The following TMCO5A variants were observed in gnomAD, a reference collection of about 807,000 sequenced individuals.
The protein encoded by TMCO5A is transmembrane and coiled-coil domain-containing protein 5A.
In TMCO5A, 34 loss-of-function variants were observed where a neutral mutation model predicts 42.3. The ratio of observed to expected loss-of-function variants is 0.80; its 90% confidence interval spans 0.61 to 1.07. The LOEUF is 1.07. Ranked by LOEUF, TMCO5A falls within the 50% of genes least tolerant of loss-of-function variation. The pLI is 0.00. For missense variants in TMCO5A, 357 were observed against 327.9 expected (o/e 1.09, Z -0.69); for synonymous variants, 131 against 115.6 (o/e 1.13, Z -0.86).
the TMCO5A span, among the ~76,000 whole-genome samples, chr15:38,032,036 A>G: frequency 6.6e-6 from 1 of 151,440 alleles, no homozygotes; most frequent in Non-Finnish European, 1.5e-5. Context: ...GCTCACCGCA[A>G]CCTCTGATTC....
At chr15:37,985,100 A>C in the TMCO5A span, among the ~76,000 whole-genome samples, 1 of 151,780 alleles carries the variant, frequency 6.6e-6, no homozygotes, top group African/African-American at 2.4e-5. Flanking sequence ...GGGATGGAGC[A>C]AGGCAATCTT....
exon 12 of TMCO5A, chr15:37,967,718 T>C (rs1258358814): frequency 1.3e-5 from 2 of 152,180 alleles, no homozygotes; most frequent in African/African-American, 4.8e-5. Context: ...ATACCATGTA[T>C]TAAATTAAAA....
At chr15:37,994,792 T>C in the TMCO5A span, 1 of 152,296 alleles carries the variant, frequency 6.6e-6, no homozygotes, top group South Asian at 2.1e-4. Context: ...GCCAGCCCAG[T>C]TCTGGGAAGG....
chr15:37,978,904 G>C, the TMCO5A span, among the ~76,000 whole-genome samples: 1 of 152,114 alleles, frequency 6.6e-6, no homozygotes, highest in Non-Finnish European at 1.5e-5. Context: ...GCAGGAGCAG[G>C]CATCTTAATG....
chr15:38,036,372 A>G, the TMCO5A span, among the ~76,000 whole-genome samples: 1 of 151,932 alleles, frequency 6.6e-6, no homozygotes, highest in Non-Finnish European at 1.5e-5. Context: ...ACTACTCCCT[A>G]TTGGTACAAA....
chr15:37,959,813 G>T (rs994844273), intron 11 of TMCO5A, among the ~76,000 whole-genome samples: 21 of 151,806 alleles, frequency 1.4e-4, no homozygotes, highest in African/African-American at 5.1e-4. Context: ...GTATAGTACT[G>T]GACATCCTAG....
downstream of TMCO5A, among the ~76,000 whole-genome samples, chr15:37,954,270 A>C (rs1890230900): frequency 6.6e-6 from 1 of 152,156 alleles, no homozygotes; most frequent in African/African-American, 2.4e-5. Context: ...AAATTCCCAA[A>C]GGTCAAGGAT....
downstream of TMCO5A, among the ~76,000 whole-genome samples, chr15:37,968,512 G>A (rs558468859): frequency 2.0e-5 from 3 of 152,068 alleles, no homozygotes; most frequent in Non-Finnish European, 2.9e-5. Context: ...TCGTTTCTAC[G>A]GTCAAACCTG....
chr15:38,025,515 G>A, the TMCO5A span, among the ~76,000 whole-genome samples: 1 of 151,964 alleles, frequency 6.6e-6, no homozygotes, highest in Non-Finnish European at 1.5e-5. Context: ...TTAGCAGGAG[G>A]AATAGGGAAA....
chr15:37,950,616 TGA>T (rs1890124658), intron 11 of TMCO5A, among the ~76,000 whole-genome samples: 1 of 152,168 alleles, frequency 6.6e-6, no homozygotes, highest in Non-Finnish European at 1.5e-5. Flanking sequence ...GAAGCCATAA[TGA>T]GAGATTATTT....
the TMCO5A span, among the ~76,000 whole-genome samples, chr15:37,981,906 C>T: frequency 3.9e-5 from 6 of 152,288 alleles, no homozygotes; most frequent in Middle Eastern, 3.4e-3. Context: ...TTACAGACAA[C>T]GGAGCAGCCT....
chr15:37,969,773 A>G (rs1890639661), downstream of TMCO5A, among the ~76,000 whole-genome samples: 1 of 152,196 alleles, frequency 6.6e-6, no homozygotes, highest in South Asian at 2.1e-4. Flanking sequence ...ATAAGCAAGA[A>G]CATGCAGTAC....
intron 10 of TMCO5A, chr15:37,943,615 G>A (rs549836867): frequency 1.9e-6 from 1 of 515,422 alleles, no homozygotes; most frequent in Non-Finnish European, 3.4e-6. Context: ...CAAATAACAG[G>A]CTCTCAAAAA....
At chr15:37,955,908 G>C (rs531390825), downstream of TMCO5A, among the ~76,000 whole-genome samples, 19 of 152,258 alleles carry the variant, frequency 1.2e-4, no homozygotes, top group South Asian at 3.5e-3. Context: ...TCAGACCACA[G>C]TGCAATCAAA....
the TMCO5A span, among the ~76,000 whole-genome samples, chr15:37,985,474 A>G: frequency 6.6e-6 from 1 of 152,218 alleles, no homozygotes; most frequent in South Asian, 2.1e-4. Context: ...TCAAATTTCT[A>G]GCAGTACATT....
chr15:37,997,008 T>C, the TMCO5A span, among the ~76,000 whole-genome samples: 5 of 152,328 alleles, frequency 3.3e-5, no homozygotes, highest in Non-Finnish European at 5.9e-5. Context: ...AAAATTCTCA[T>C]TAGGATGAAT....
chr15:38,015,676 T>C, the TMCO5A span, among the ~76,000 whole-genome samples: 1 of 152,200 alleles, frequency 6.6e-6, no homozygotes, highest in Admixed American at 6.5e-5. Flanking sequence ...TAGGTAAATG[T>C]ATAAATAAAC....
chr15:37,940,915 T>C (rs1172010595), intron 6 of TMCO5A, among the ~76,000 whole-genome samples: 4 of 152,022 alleles, frequency 2.6e-5, no homozygotes, highest in African/African-American at 9.7e-5. Context: ...AGCTCAGAAT[T>C]GAAGTTTAGG....
At chr15:38,033,084 C>T in the TMCO5A span, among the ~76,000 whole-genome samples, 76 of 152,114 alleles carry the variant, frequency 5.0e-4, no homozygotes, top group African/African-American at 1.7e-3. Flanking sequence ...CCAGCCACCT[C>T]GCCCGGCTAA....
Sources: gnomAD v4.1 joint callset for allele counts (sites outside exome capture counted in the v4.1 genomes callset) on GRCh38, gnomAD v4.1.1 for gene constraint, MANE v1.5 for transcripts, NCBI Gene and HGNC (gene_info 2026-07-23, HGNC 2026-07-21) for gene names.